The following EPHB2 variants were observed in gnomAD, a reference collection of about 807,000 sequenced individuals.
EPHB2 encodes the protein EPH receptor B2.
A neutral mutation model predicts 96.4 loss-of-function variants in EPHB2; 18 were observed. The observed-to-expected ratio is 0.19, with a 90% confidence interval of 0.13 to 0.28. The LOEUF (loss-of-function observed/expected upper bound fraction) is 0.28, where lower values mean the gene tolerates loss of function less well. EPHB2 is among the 10% of genes least tolerant of loss of function. The pLI is 1.00. For missense variants in EPHB2, 989 were observed against 1,355.4 expected (o/e 0.73, Z 4.25); for synonymous variants, 506 against 534.1 (o/e 0.95, Z 0.72).
At chr1:22,763,054 C>T (rs1382229726) in intron 1 of EPHB2, among the ~76,000 whole-genome samples, 2 of 152,102 alleles carry the variant, frequency 1.3e-5, no homozygotes, top group Non-Finnish European at 2.9e-5. Context: ...AGAGAGCAGC[C>T]CTGGATCCAC....
chr1:22,765,546 C>CA lies in EPHB2; in HGVS notation c.62-15858dup, dbSNP rs10667863. On this transcript the variant is annotated intron_variant, in intron 1 of 15. Transcript: ENST00000374630. The stretch of plus-strand genomic sequence containing the variant: ...TGGGTGACAGAGAGAGACCCTGTCG[C>CA]AAAAAAAAAAAAAAAAACATTGAGT... 4.8e-3 allele frequency among the ~76,000 whole-genome samples: 554 copies of CA among 115,220 alleles called. 45 individuals are homozygous for CA. The highest frequency in any genetic ancestry group is 0.011 in the African/African-American group (310 of 28,688). 75.6% of individuals were successfully genotyped at this position (115,220 alleles called of 152,430 possible). A position where few individuals can be genotyped will look rare whatever the true frequency, so the allele number is the denominator to read the frequency against.
chr1:22,731,509 CTT>C (rs1265200666), intron 1 of EPHB2, among the ~76,000 whole-genome samples: 3 of 152,206 alleles, frequency 2.0e-5, no homozygotes, highest in African/African-American at 7.2e-5. Flanking sequence ...TAGTCCTTAC[CTT>C]AGTAGGTGGC....
intron 3 of EPHB2, among the ~76,000 whole-genome samples, chr1:22,806,902 C>G (rs1401526764): frequency 4.6e-5 from 7 of 152,162 alleles, no homozygotes; most frequent in Admixed American, 6.5e-5. Flanking sequence ...GTCACCACCC[C>G]CCAGCCCTAC....
At chr1:22,726,733 A>G (rs1279942200) in intron 1 of EPHB2, among the ~76,000 whole-genome samples, 1 of 152,158 alleles carries the variant, frequency 6.6e-6, no homozygotes, top group African/African-American at 2.4e-5. Flanking sequence ...GTAATAGTTA[A>G]TAATGCTCAT....
At chr1:22,844,446 G>A (rs1276376689) in intron 3 of EPHB2, among the ~76,000 whole-genome samples, 20 of 152,222 alleles carry the variant, frequency 1.3e-4, no homozygotes. Context: ...CTGAGAGGCT[G>A]GCCCAGCCAG....
At chr1:22,761,864 C>T (rs1041275763) in intron 1 of EPHB2, among the ~76,000 whole-genome samples, 3 of 152,180 alleles carry the variant, frequency 2.0e-5, no homozygotes, top group Admixed American at 1.3e-4. Flanking sequence ...CCAGGGCAGC[C>T]GAGGGACTTG....
rs1449742715 is a variant in EPHB2 at position 22,916,609 on chromosome 1, A to G, written c.*3039A>G. Reference sequence around the variant, plus strand: ...TTGCCAAGCGCCTTCCACTTACACCACCCGCTCACCCAGGCACACAGCTCT... The same window carrying G: ...TTGCCAAGCGCCTTCCACTTACACCGCCCGCTCACCCAGGCACACAGCTCT... On this transcript the variant is annotated 3_prime_UTR_variant, in exon 16 of 16. Transcript: ENST00000374630. This position sits in a 1 kb window ranked among gnomAD's most constrained non-coding sequence, Gnocchi z 4.2. 6.7e-6 allele frequency: 1 copy of G among 150,188 alleles called. No individual in the cohort carries two copies. The allele number at this position is 150,188 out of a possible 1,614,324, so 9.3% of individuals were successfully genotyped here. A position where few individuals can be genotyped will look rare whatever the true frequency, so the allele number is the denominator to read the frequency against.
intron 9 of EPHB2, among the ~76,000 whole-genome samples, chr1:22,898,129 A>C (rs963501423): frequency 3.3e-5 from 5 of 151,920 alleles, no homozygotes; most frequent in East Asian, 1.9e-4. Flanking sequence ...AAAAAAAAAA[A>C]AAAAACAAAA....
At chr1:22,844,843 G>T (rs1479231710) in intron 3 of EPHB2, among the ~76,000 whole-genome samples, 1 of 152,192 alleles carries the variant, frequency 6.6e-6, no homozygotes, top group Non-Finnish European at 1.5e-5. Context: ...GATCAAGAGG[G>T]CATTAGGTCC....
chr1:22,799,438 T>G (rs1644811716), intron 3 of EPHB2, among the ~76,000 whole-genome samples: 1 of 152,286 alleles, frequency 6.6e-6, no homozygotes, highest in South Asian at 2.1e-4. Context: ...TACCCAAGCC[T>G]TGATCGCCTC....
intron 5 of EPHB2, among the ~76,000 whole-genome samples, chr1:22,880,390 T>C (rs534553001): frequency 6.6e-6 from 1 of 152,294 alleles, no homozygotes; most frequent in South Asian, 2.1e-4. Flanking sequence ...GCCTCCACTT[T>C]CCAGTGTCCT....
chr1:22,804,245 G>C (rs79454490), intron 3 of EPHB2, among the ~76,000 whole-genome samples: 8 of 152,156 alleles, frequency 5.3e-5, no homozygotes, highest in Non-Finnish European at 8.8e-5. Context: ...GCCCAGCACT[G>C]TGCCTGCCAC....
intron 1 of EPHB2, among the ~76,000 whole-genome samples, chr1:22,726,250 T>G (rs1351453171): frequency 6.6e-6 from 1 of 152,164 alleles, no homozygotes. Context: ...CCTCTACCTC[T>G]TCTTTCTTTT....
chr1:22,829,498 C>T (rs534585224), intron 3 of EPHB2, among the ~76,000 whole-genome samples: 1 of 152,320 alleles, frequency 6.6e-6, no homozygotes, highest in South Asian at 2.1e-4. Flanking sequence ...CTACAACTGG[C>T]CTTGACCCTC....
chr1:22,918,667 G>C lies in EPHB2; in HGVS notation c.*5097G>C, dbSNP rs1356854563. The C allele has an allele frequency of 6.6e-6, 1 of 152,242 alleles. No individual in the cohort carries two copies. Among genetic ancestry groups the C allele is most frequent in the East Asian group, 1.9e-4 (1 of 5,188 alleles). 9.4% of individuals were successfully genotyped at this position (152,242 alleles called of 1,614,324 possible). A position where few individuals can be genotyped will look rare whatever the true frequency, so the allele number is the denominator to read the frequency against. ...AAATGGCTTCTGCCATCAAACTTAA[G>C]GTGGAGAATGGTCTTGCAGCTGCCA... On this transcript the variant is annotated 3_prime_UTR_variant, in exon 16 of 16. Coordinates refer to ENST00000374630, the MANE Select transcript of EPHB2 (RefSeq NM_017449.5). The surrounding 1 kb of genome is among the most constrained non-coding windows in gnomAD (Gnocchi z 4.2).
intron 1 of EPHB2, among the ~76,000 whole-genome samples, chr1:22,713,684 C>T (rs143361890): frequency 2.0e-5 from 3 of 152,172 alleles, no homozygotes; most frequent in African/African-American, 7.2e-5. Context: ...AGGGTGGCCC[C>T]TCTGGCTCCC....
Position 22,921,167 on chromosome 1 carries a change from C to G in EPHB2, c.*7597C>G, listed in dbSNP as rs1640387961. On this transcript the variant is annotated 3_prime_UTR_variant, in exon 16 of 16. Transcript: ENST00000374630. ...TGGGCTGTGGGAGTGAGTGTGCACA[C>G]TCCTTCTCCTGAAGTGTCTGCCCCA... is the stretch of plus-strand genomic sequence containing the variant. The G allele has an allele frequency of 6.6e-6, 1 of 152,270 alleles. No individual in the cohort carries two copies. Among genetic ancestry groups the G allele is most frequent in the Non-Finnish European group, 1.5e-5 (1 of 68,076 alleles). 9.4% of individuals were successfully genotyped at this position (152,270 alleles called of 1,614,324 possible).
intron 3 of EPHB2, among the ~76,000 whole-genome samples, chr1:22,810,620 G>A (rs1644989617): frequency 6.6e-6 from 1 of 152,202 alleles, no homozygotes; most frequent in Non-Finnish European, 1.5e-5. Context: ...TTCCCAGTGG[G>A]TGGGGATCAG....
intron 1 of EPHB2, among the ~76,000 whole-genome samples, chr1:22,745,734 C>T (rs1323325659): frequency 6.6e-6 from 1 of 152,048 alleles, no homozygotes; most frequent in African/African-American, 2.4e-5. Flanking sequence ...GCCTAGCTCA[C>T]GGTGGGCGCT....
Sources: gnomAD v4.1 joint callset for allele counts (sites outside exome capture counted in the v4.1 genomes callset) on GRCh38, gnomAD v4.1.1 for gene constraint, Gnocchi (gnomAD v3.1) non-coding constraint, MANE v1.5 for transcripts, NCBI Gene and HGNC (gene_info 2026-07-23, HGNC 2026-07-21) for gene names.